The following GALNTL6 variants were observed in gnomAD, a reference collection of about 807,000 sequenced individuals.
The protein encoded by GALNTL6 is polypeptide N-acetylgalactosaminyltransferase-like 6.
A neutral mutation model predicts 73.7 loss-of-function variants in GALNTL6; 46 were observed. The observed-to-expected ratio is 0.62, with a 90% CI of 0.49 to 0.80. GALNTL6 has a LOEUF of 0.80. Among genes scored for constraint, GALNTL6 ranks in the 30% least tolerant of loss-of-function variants. The pLI is 0.00. For missense variants in GALNTL6, 604 were observed against 755.0 expected (o/e 0.80, Z 2.34); for synonymous variants, 259 against 263.7 (o/e 0.98, Z 0.17).
At chr4:172,027,954 T>C (rs1160082731) in intron 2 of GALNTL6, among the ~76,000 whole-genome samples, 3 of 152,028 alleles carry the variant, frequency 2.0e-5, no homozygotes, top group Non-Finnish European at 2.9e-5. Flanking sequence ...GAATAAGCCA[T>C]CTCCCTAACA....
At chr4:171,988,516 G>A (rs1740192380) in intron 2 of GALNTL6, among the ~76,000 whole-genome samples, 1 of 152,170 alleles carries the variant, frequency 6.6e-6, no homozygotes, top group Non-Finnish European at 1.5e-5. Context: ...GCATGTTTGA[G>A]ATCTAGAACA....
intron 2 of GALNTL6, among the ~76,000 whole-genome samples, chr4:171,911,665 G>T (rs2110963103): frequency 6.6e-6 from 1 of 152,294 alleles, no homozygotes; most frequent in African/African-American, 2.4e-5. Flanking sequence ...GGAAAGTGTA[G>T]ATGAGAGGCA....
At chr4:171,816,549 T>C (rs548110998) in intron 2 of GALNTL6, among the ~76,000 whole-genome samples, 108 of 152,198 alleles carry the variant, frequency 7.1e-4, no homozygotes, top group African/African-American at 2.6e-3. Context: ...TTGATTGATA[T>C]TGTATGACAT....
intron 5 of GALNTL6, among the ~76,000 whole-genome samples, chr4:172,578,847 C>T (rs986308094): frequency 1.3e-5 from 2 of 152,298 alleles, no homozygotes; most frequent in Non-Finnish European, 2.9e-5. Flanking sequence ...AAATTCAAAT[C>T]TGCATAAGCG....
chr4:172,976,297 A>G (rs1460474265), intron 10 of GALNTL6, among the ~76,000 whole-genome samples: 3 of 152,248 alleles, frequency 2.0e-5, no homozygotes, highest in African/African-American at 4.8e-5. Context: ...GGTATAAAAA[A>G]TTCTATTTAG....
chr4:172,534,376 G>C (rs1417607594), intron 5 of GALNTL6, among the ~76,000 whole-genome samples: 1 of 152,176 alleles, frequency 6.6e-6, no homozygotes, highest in African/African-American at 2.4e-5. Flanking sequence ...CCAGGAATAT[G>C]TGTGGGCACT....
chr4:172,573,660 G>A (rs1247906617), intron 5 of GALNTL6, among the ~76,000 whole-genome samples: 1 of 152,146 alleles, frequency 6.6e-6, no homozygotes, highest in Non-Finnish European at 1.5e-5. Context: ...GGGTTTCTCA[G>A]ATAAAGAGGT....
At position 172,561,794 on chromosome 4, in the gene GALNTL6, C is replaced by G. The variant is rs566211691; in HGVS notation, c.553+213105C>G. The stretch of plus-strand genomic sequence containing the variant: ...ATCTCTTGAGGTGAGACCCAGGCAT[C>G]ACTATTTTTTTATAGCTCCTCCAGA... On this transcript the variant is annotated intron_variant, in intron 5 of 12. Transcript: ENST00000506823. 1.9e-4 allele frequency among the ~76,000 whole-genome samples: 29 copies of G among 152,298 alleles called. 1 individual carries two copies. In the Middle Eastern group the frequency reaches 0.01, roughly 54 times the overall value.
intron 2 of GALNTL6, among the ~76,000 whole-genome samples, chr4:171,929,178 C>T (rs572596358): frequency 1.3e-5 from 2 of 152,176 alleles, no homozygotes; most frequent in Admixed American, 6.5e-5. Flanking sequence ...GCCATCCTCC[C>T]ATCTCAACCT....
intron 2 of GALNTL6, among the ~76,000 whole-genome samples, chr4:172,212,538 C>G (rs2110929359): frequency 6.6e-6 from 1 of 152,306 alleles, no homozygotes; most frequent in South Asian, 2.1e-4. Flanking sequence ...GAAATGCAGA[C>G]TGCCAGGTGT....
chr4:172,910,854 T>C (rs1270246606), intron 8 of GALNTL6, among the ~76,000 whole-genome samples: 2 of 152,160 alleles, frequency 1.3e-5, no homozygotes, highest in Non-Finnish European at 2.9e-5. Context: ...CTTGAGTCTC[T>C]CTCATCCAGC....
intron 2 of GALNTL6, among the ~76,000 whole-genome samples, chr4:171,844,350 T>A (rs545619272): frequency 6.6e-6 from 1 of 152,194 alleles, no homozygotes; most frequent in Admixed American, 6.6e-5. Flanking sequence ...TTTTTCTAGA[T>A]AAGTGAGATG....
At chr4:172,754,101 C>T (rs538674354) in intron 5 of GALNTL6, among the ~76,000 whole-genome samples, 3 of 152,094 alleles carry the variant, frequency 2.0e-5, no homozygotes, top group African/African-American at 7.2e-5. Flanking sequence ...TTTCAGGCAA[C>T]GGTTGGTGGA....
chr4:172,268,334 A>C (rs7698210), intron 3 of GALNTL6, among the ~76,000 whole-genome samples: 19,172 of 152,222 alleles, frequency 0.13, 1,309 homozygotes, highest in East Asian at 0.3. Flanking sequence ...GAAGGAAAAG[A>C]AACAGGATTG....
intron 10 of GALNTL6, among the ~76,000 whole-genome samples, chr4:172,990,786 C>T (rs1209564499): frequency 6.6e-6 from 1 of 152,152 alleles, no homozygotes; most frequent in East Asian, 1.9e-4. Context: ...AATAATTTAA[C>T]ATAACCATTA....
chr4:172,854,339 T>C (rs1744012108), intron 7 of GALNTL6, among the ~76,000 whole-genome samples: 1 of 152,212 alleles, frequency 6.6e-6, no homozygotes, highest in Admixed American at 6.5e-5. Flanking sequence ...AAATGTCTAC[T>C]GTATTTTTGT....
At chr4:172,477,033 C>T (rs1733263120) in intron 5 of GALNTL6, among the ~76,000 whole-genome samples, 2 of 151,084 alleles carry the variant, frequency 1.3e-5, no homozygotes, top group Non-Finnish European at 3.0e-5. Context: ...CACGCCATTC[C>T]CCTGCCTCAG....
intron 3 of GALNTL6, among the ~76,000 whole-genome samples, chr4:172,304,379 G>A (rs1415084810): frequency 2.6e-5 from 4 of 151,424 alleles, no homozygotes; most frequent in African/African-American, 4.9e-5. Flanking sequence ...AACATTAGTC[G>A]GTTAATAGGT....
chr4:171,861,768 A>G (rs1735835684), intron 2 of GALNTL6, among the ~76,000 whole-genome samples: 1 of 152,174 alleles, frequency 6.6e-6, no homozygotes, highest in Admixed American at 6.5e-5. Context: ...AAAAACAAAT[A>G]TCATTTGTTT....
Sources: gnomAD v4.1 joint callset for allele counts (sites outside exome capture counted in the v4.1 genomes callset) on GRCh38, gnomAD v4.1.1 for gene constraint, MANE v1.5 for transcripts, NCBI Gene and HGNC (gene_info 2026-07-23, HGNC 2026-07-21) for gene names.